The following AOPEP variants were observed in gnomAD, a reference collection of about 807,000 sequenced individuals.
AOPEP encodes aminopeptidase O.
A neutral mutation model predicts 98.1 loss-of-function variants in AOPEP; 77 were observed. The ratio of observed to expected loss-of-function variants is 0.78; its 90% CI spans 0.65 to 0.95. The LOEUF is 0.95. Among genes scored for constraint, AOPEP ranks in the 40% least tolerant of loss-of-function variants. The pLI, the probability that AOPEP is intolerant of heterozygous loss-of-function variation, is 0.00. For synonymous variants in AOPEP, 346 were observed against 365.3 expected (o/e 0.95, Z 0.60); for missense variants, 1,024 against 1,024.7 (o/e 1.00, Z 0.01).
intron 12 of AOPEP, 48 bp downstream of exon 12, chr9:95,005,268 G>A (rs1432119580): frequency 2.0e-6 from 2 of 987,414 alleles, no homozygotes; most frequent in East Asian, 5.6e-5. Context: ...GCCGGCGCGA[G>A]ACCGCGGCTG....
intron 7 of AOPEP, among the ~76,000 whole-genome samples, chr9:94,944,676 C>T (rs2057419811): frequency 6.6e-6 from 1 of 152,174 alleles, no homozygotes; most frequent in Non-Finnish European, 1.5e-5. Flanking sequence ...ACAATCCTCC[C>T]ACCTTGATCT....
chr9:94,926,189 G>A (rs1163707922), intron 6 of AOPEP, among the ~76,000 whole-genome samples: 3 of 152,168 alleles, frequency 2.0e-5, no homozygotes, highest in Non-Finnish European at 4.4e-5. Flanking sequence ...CCTTTGCCTA[G>A]ACTTCTAGGA....
At chr9:95,088,673 C>T (rs551298929), downstream of AOPEP, among the ~76,000 whole-genome samples, 7 of 152,290 alleles carry the variant, frequency 4.6e-5, no homozygotes, top group South Asian at 2.1e-4. Flanking sequence ...GGTGGCTCAC[C>T]GGCCCAGTGG....
At chr9:94,876,240 A>T (rs2046919599) in intron 5 of AOPEP, among the ~76,000 whole-genome samples, 1 of 152,200 alleles carries the variant, frequency 6.6e-6, no homozygotes, top group Admixed American at 6.5e-5. Context: ...ACCCGGAGAC[A>T]TACCTAGAAT....
chr9:94,867,322 G>A (rs961021315), intron 5 of AOPEP, among the ~76,000 whole-genome samples: 2 of 152,186 alleles, frequency 1.3e-5, no homozygotes, highest in Non-Finnish European at 2.9e-5. Flanking sequence ...GTACCAGGCT[G>A]TAGTCAGCAC....
At chr9:94,805,860 T>A (rs1057273630) in intron 5 of AOPEP, among the ~76,000 whole-genome samples, 20 of 152,346 alleles carry the variant, frequency 1.3e-4, no homozygotes, top group Non-Finnish European at 2.8e-4. Flanking sequence ...TGTAATAGAA[T>A]AAGCAAAACA....
intron 1 of AOPEP, among the ~76,000 whole-genome samples, chr9:94,729,524 G>C (rs1264678581): frequency 2.6e-5 from 4 of 151,722 alleles, no homozygotes; most frequent in Non-Finnish European, 1.5e-5. Context: ...AGTGAGCTGT[G>C]GTGGCGCCAC....
rs2069975762 is a variant in AOPEP, at chr9:95,082,703, A to G, written c.2448A>G (p.Glu816=). 6.2e-7 allele frequency: 1 copy of G among 1,614,206 alleles called. No homozygotes were observed. Among genetic ancestry groups the G allele is most frequent in the Middle Eastern group, 1.6e-4 (1 of 6,062 alleles). ...GGTCCTCAGCCCAGGTGGTGGCCGA[A>G]ATGTTATTTTAACGAGGTGATTCTC... is the stretch of plus-strand genomic sequence containing the variant. ...MDRSSAQVVA[E]MLF Residue 816 remains glutamate (E), a synonymous_variant, in exon 16 of 17, where the codon GAA becomes GAG. Coordinates refer to ENST00000375315, the MANE Select transcript of AOPEP (RefSeq NM_001193329.3).
chr9:95,010,626 G>A (rs548775342), intron 13 of AOPEP, among the ~76,000 whole-genome samples: 159 of 152,270 alleles, frequency 1.0e-3, no homozygotes, highest in African/African-American at 3.7e-3. Flanking sequence ...TTATATAGCC[G>A]TAATCTCTTA....
intron 11 of AOPEP, among the ~76,000 whole-genome samples, chr9:94,983,854 C>G (rs7857726): frequency 7.2e-6 from 1 of 139,380 alleles, no homozygotes; most frequent in Non-Finnish European, 1.6e-5. Context: ...CCCTCCCCTC[C>G]CCCCTCCCCC....
At chr9:94,986,175 G>A (rs1408975895) in intron 11 of AOPEP, among the ~76,000 whole-genome samples, 2 of 152,142 alleles carry the variant, frequency 1.3e-5, no homozygotes, top group Non-Finnish European at 2.9e-5. Context: ...TCCTCGGCTT[G>A]TAGACGGCCA....
intron 13 of AOPEP, among the ~76,000 whole-genome samples, chr9:95,057,201 G>A (rs1183435347): frequency 6.6e-6 from 1 of 152,186 alleles, no homozygotes; most frequent in Non-Finnish European, 1.5e-5. Context: ...TCACTCTGTG[G>A]TACGACCAAA....
intron 11 of AOPEP, among the ~76,000 whole-genome samples, chr9:94,996,387 T>TGAGA (rs1376849968): frequency 2.8e-5 from 4 of 143,856 alleles, no homozygotes; most frequent in African/African-American, 1.1e-4. Context: ...TGTGTGTGTG[T>TGAGA]GTGTGAGAGA....
the AOPEP span, among the ~76,000 whole-genome samples, chr9:95,137,139 G>C: frequency 6.6e-6 from 1 of 152,232 alleles, no homozygotes; most frequent in Admixed American, 6.5e-5. Flanking sequence ...CCCCTTCAAG[G>C]CCTGTCCCTT....
chr9:94,903,623 TAA>T (rs11375914), intron 5 of AOPEP, among the ~76,000 whole-genome samples: 1 of 136,670 alleles, frequency 7.3e-6, no homozygotes, highest in Non-Finnish European at 1.6e-5. Flanking sequence ...ACTCCATCTC[TAA>T]AAAAAAAAAA....
chr9:94,921,100 G>C (rs1355407993), intron 5 of AOPEP: 2 of 149,982 alleles, frequency 1.3e-5, no homozygotes, highest in Non-Finnish European at 3.0e-5. Flanking sequence ...AGAAAGAAAC[G>C]TTTTTAGGAT....
chr9:94,891,054 A>G (rs1489967015), intron 5 of AOPEP, among the ~76,000 whole-genome samples: 1 of 152,270 alleles, frequency 6.6e-6, no homozygotes, highest in Non-Finnish European at 1.5e-5. Flanking sequence ...ATAACCAACT[A>G]CAATTGTAGA....
chr9:94,759,813 T>G lies in AOPEP; in HGVS notation c.30T>G (p.Asp10Glu). MDIQLDPAR[D>E]DLPLMANTSH... is the part of the protein sequence containing the mutation. ...ACATACAGCTGGACCCTGCCAGAGATGACCTGCCTCTCATGGCCAACACCA... is the reference window on the plus strand; with the variant it reads ...ACATACAGCTGGACCCTGCCAGAGAGGACCTGCCTCTCATGGCCAACACCA... The change falls in exon 2 of 17, where the codon GAT becomes GAG. Residue 10 changes from aspartate to glutamate, a missense_variant. This residue lies in a region of AOPEP where 440 missense variants were observed against 433.8 expected (regional missense o/e 1.01). Coordinates refer to ENST00000375315, the MANE Select transcript of AOPEP (RefSeq NM_001193329.3). 1 of 1,614,152 alleles carries G rather than the reference T, an allele frequency of 6.2e-7. No homozygotes were observed. Among genetic ancestry groups the G allele is most frequent in the Non-Finnish European group, 8.5e-7 (1 of 1,180,026 alleles).
At chr9:94,833,912 C>T (rs1260174210) in intron 5 of AOPEP, among the ~76,000 whole-genome samples, 2 of 149,778 alleles carry the variant, frequency 1.3e-5, no homozygotes, top group African/African-American at 4.8e-5. Flanking sequence ...TTTTTTGCAA[C>T]TCGTAAATCA....
Sources: allele counts gnomAD v4.1 joint callset (sites outside exome capture counted in the v4.1 genomes callset), GRCh38; gene constraint gnomAD v4.1.1; regional missense constraint gnomAD v4.1.1; transcripts MANE v1.5; gene names NCBI Gene and HGNC (gene_info 2026-07-23, HGNC 2026-07-21).